Variants in TOPORS observed in about 807,000 individuals in gnomAD.
TOPORS encodes the protein E3 ubiquitin-protein ligase Topors.
TOPORS carries 25 observed loss-of-function variants against 81.4 expected under a neutral mutation model. The ratio of observed to expected loss-of-function variants is 0.31; its 90% CI spans 0.22 to 0.43. TOPORS has a LOEUF of 0.43. Ranked by LOEUF, TOPORS falls within the 20% of genes least tolerant of loss-of-function variation. The probability of loss-of-function intolerance (pLI) is 1.00; values close to 1 mark genes in which losing one functional copy is unlikely to be tolerated. For missense variants in TOPORS, 1,101 were observed against 1,267.0 expected, an observed-to-expected ratio of 0.87 and a Z score of 1.99; for synonymous variants, 473 against 456.6, an observed-to-expected ratio of 1.04 and a Z score of -0.46.
Position 32,542,447 on chromosome 9 carries a change from C to A in TOPORS, c.2078G>T (p.Arg693Ile), listed in dbSNP as rs1821080352. The change falls in exon 3 of 3, where the codon AGA becomes ATA. Residue 693 changes from arginine (R) to isoleucine (I), a missense_variant. Arg to Ile is a moderately conservative substitution (Grantham distance 97, BLOSUM62 -3). Coordinates refer to ENST00000360538, the MANE Select transcript of TOPORS (RefSeq NM_005802.5). ...RSRNRDRYYL[R>I]NNYGSRYKWE... ...TTTGTATCTGCTTCCATAATTATTT[C>A]TTAAATAATAACGATCTCTATTTCT... is the stretch of plus-strand genomic sequence containing the variant. 6.2e-7 allele frequency: 1 copy of A among 1,613,244 alleles called. No individual in the cohort carries two copies. The highest frequency in any genetic ancestry group is 2.2e-5 in the East Asian group (1 of 44,862).
rs1383957397 is a variant in TOPORS, at chr9:32,542,775, A to G, written c.1750T>C (p.Tyr584His). ...CTGTGTCTATGGTTATATGGAGAAT[A>G]TACTCTGTCTCCTCTTACAGATGAG... ...LNSSVRGDRV[Y>H]SPYNHRHRKR... is the part of the protein sequence containing the mutation. Residue 584 changes from tyrosine (Y) to histidine (H), a missense_variant, in exon 3 of 3, where the codon TAT becomes CAT. Transcript: ENST00000360538. 1.5e-5 allele frequency: 24 copies of G among 1,614,086 alleles called. No individual in the cohort carries two copies. Among genetic ancestry groups the G allele is most frequent in the Non-Finnish European group, 2.0e-5 (24 of 1,180,034 alleles).
In TOPORS at chr9:32,541,342, TC is replaced by T; in HGVS notation, c.*44del. ...TGCAGTAGACGACATTCTTCCTTTT[TC>T]CTTTTTATAACATCATAATTCTCAA... On this transcript the variant is annotated 3_prime_UTR_variant, in exon 3 of 3. Transcript: ENST00000360538. 2 of 1,599,392 alleles carry T rather than the reference TC, an allele frequency of 1.3e-6. No homozygotes were observed. The highest frequency in any genetic ancestry group is 1.7e-6 in the Non-Finnish European group (2 of 1,167,914).
chr9:32,551,294 C>G (rs989623070), intron 1 of TOPORS: 3 of 501,450 alleles, frequency 6.0e-6, no homozygotes, highest in African/African-American at 5.8e-5. Flanking sequence ...TTACCAAACT[C>G]TGCGGAAACT....
rs1205485644 is a variant in TOPORS at position 32,542,159 on chromosome 9, T to G, written c.2366A>C (p.Asn789Thr). The change falls in exon 3 of 3, where the codon AAT becomes ACT. Residue 789 changes from asparagine to threonine, a missense_variant. By Grantham distance (65) the Asn-to-Thr change is moderately conservative. Coordinates refer to ENST00000360538, the MANE Select transcript of TOPORS (RefSeq NM_005802.5). ...TTTTCGTTTCCCTCCAGGCTTTTCA[T>G]TTCTCACCCGGTCAGTCCCGGTAGA... is the stretch of plus-strand genomic sequence containing the variant. ...TASTGTDRVRNEKPGGKRKYK... is the reference protein window; with the variant it reads ...TASTGTDRVRTEKPGGKRKYK... 2 of 1,614,218 alleles carry G rather than the reference T, an allele frequency of 1.2e-6. No homozygotes were observed. The highest frequency in any genetic ancestry group is 2.2e-5 in the South Asian group (2 of 91,082).
At chr9:32,552,150 A>C (rs1821286585) in intron 1 of TOPORS, 1 of 574,982 alleles carries the variant, frequency 1.7e-6, no homozygotes. Context: ...AAACCAGTGG[A>C]GGTACGCCTA....
chr9:32,549,274 T>C (rs538311116), intron 2 of TOPORS, among the ~76,000 whole-genome samples: 5 of 152,058 alleles, frequency 3.3e-5, no homozygotes, highest in Non-Finnish European at 4.4e-5. Flanking sequence ...GCCACTGCAC[T>C]CCAGCCTGGG....
Position 32,544,057 on chromosome 9 carries a change from A to G in TOPORS, c.468T>C (p.Asp156=). ...GCCTTAGGACATACTCCTTGAAGTC[A>G]TCTTCTGCCCTCACAGAATGGAAAA... ...DSIFHSVRAE[D]DFKEYVLRPS... The change falls in exon 3 of 3, where the codon GAT becomes GAC. Residue 156 remains aspartate, a synonymous_variant. Coordinates refer to ENST00000360538, the MANE Select transcript of TOPORS (RefSeq NM_005802.5). 6.2e-7 allele frequency: 1 copy of G among 1,614,206 alleles called. No homozygotes were observed.
chr9:32,548,058 G>A (rs1341198526), intron 2 of TOPORS, among the ~76,000 whole-genome samples: 2 of 134,862 alleles, frequency 1.5e-5, no homozygotes, highest in Admixed American at 1.7e-4. Context: ...CACCGTGTTA[G>A]CCAGGATGGT....
At chr9:32,550,688 G>C in intron 2 of TOPORS, 86 bp downstream of exon 2, 1 of 1,523,638 alleles carries the variant, frequency 6.6e-7, no homozygotes, top group Non-Finnish European at 9.1e-7. Flanking sequence ...CGCAACCCTC[G>C]GGTCCCGAGG....
At position 32,543,433 on chromosome 9, in the gene TOPORS, G is replaced by A. The variant is rs913599200; in HGVS notation, c.1092C>T (p.Asn364=). 20 of 1,613,846 alleles carry A rather than the reference G, an allele frequency of 1.2e-5. No homozygotes were observed. In the Admixed American group the frequency reaches 1.5e-4, roughly 12 times the overall value. ...TGGCATGCTGGTCAAAGGCTGCCAT[G>A]TTAAAAGGAGATCGGGCAAAACTGA... ...EFISFARSPF[N]MAAFDQHANY... Residue 364 remains asparagine (N), a synonymous_variant, in exon 3 of 3, where the codon AAC becomes AAT. Coordinates refer to ENST00000360538, the MANE Select transcript of TOPORS (RefSeq NM_005802.5). This position sits in a 1 kb window ranked among gnomAD's most constrained non-coding sequence, Gnocchi z 5.6.
intron 2 of TOPORS, among the ~76,000 whole-genome samples, chr9:32,549,518 G>C (rs1256890447): frequency 6.6e-6 from 1 of 152,122 alleles, no homozygotes; most frequent in Admixed American, 6.5e-5. Context: ...TTGAAAAGGT[G>C]GTTGTGTGAC....
At position 32,542,460 on chromosome 9, in the gene TOPORS, G is replaced by A. The variant is rs369913663; in HGVS notation, c.2065C>T (p.Arg689Cys). 14 of 1,613,274 alleles carry A rather than the reference G, an allele frequency of 8.7e-6. 2 individuals carry two copies. Among genetic ancestry groups the A allele is most frequent in the South Asian group, 4.4e-5 (4 of 91,066 alleles). Reference protein sequence around the residue: ...KRRSRSRNRDRYYLRNNYGSR... With the variant: ...KRRSRSRNRDCYYLRNNYGSR... Reference sequence around the variant, plus strand: ...CCATAATTATTTCTTAAATAATAACGATCTCTATTTCTGCTCCGTGATCTT... The same window carrying A: ...CCATAATTATTTCTTAAATAATAACAATCTCTATTTCTGCTCCGTGATCTT... Residue 689 changes from arginine (R) to cysteine (C), a missense_variant, in exon 3 of 3, where the codon CGT becomes TGT. Coordinates refer to ENST00000360538, the MANE Select transcript of TOPORS (RefSeq NM_005802.5).
Position 32,551,161 on chromosome 9 carries a change from C to A in TOPORS, c.4-193G>T, listed in dbSNP as rs549299723. 2,273 of 675,518 alleles carry A rather than the reference C, an allele frequency of 3.4e-3. 3 individuals carry two copies. The highest frequency in any genetic ancestry group is 4.5e-3 in the Non-Finnish European group (1,745 of 387,720). The allele number at this position is 675,518 out of a possible 1,614,324, so 41.8% of individuals were successfully genotyped here. A position where few individuals can be genotyped will look rare whatever the true frequency, so the allele number is the denominator to read the frequency against. On this transcript the variant is annotated intron_variant, in intron 1 of 2. Transcript: ENST00000360538. ...GCCCCTCCCCCGCCGCTCCAGACCC[C>A]GGAGGAGGGCAGCGCGACCCTCCCC...
Position 32,541,795 on chromosome 9 carries a change from A to G in TOPORS, c.2730T>C (p.Ile910=). Reference sequence around the variant, plus strand: ...CAGAATCCTTATCACTGTCACTGTCAATGGTAATTACAACTGGGGAACGTG... The same window carrying G: ...CAGAATCCTTATCACTGTCACTGTCGATGGTAATTACAACTGGGGAACGTG... ...NASRSPVVIT[I]DSDSDKDSEV... is the part of the protein sequence containing the mutation. The change falls in exon 3 of 3, where the codon ATT becomes ATC. Residue 910 remains isoleucine, a synonymous_variant. Transcript: ENST00000360538. The G allele has an allele frequency of 1.2e-6, 2 of 1,614,168 alleles. No individual in the cohort carries two copies. Among genetic ancestry groups the G allele is most frequent in the Non-Finnish European group, 1.7e-6 (2 of 1,180,016 alleles).
Position 32,543,794 on chromosome 9 carries a change from T to A in TOPORS, c.731A>T (p.Glu244Val). 1 of 1,612,620 alleles carries A rather than the reference T, an allele frequency of 6.2e-7. No homozygotes were observed. Among genetic ancestry groups the A allele is most frequent in the Non-Finnish European group, 8.5e-7 (1 of 1,179,092 alleles). Residue 244 changes from glutamate (E) to valine (V), a missense_variant, in exon 3 of 3, where the codon GAA (glutamate) becomes GTA (valine). This residue lies in a region of TOPORS where 120 missense variants were observed against 115.4 expected (regional missense o/e 1.04). Transcript: ENST00000360538. The surrounding 1 kb of genome is among the most constrained non-coding windows in gnomAD (Gnocchi z 5.6). ...IAVRRPTTADERSLRKIQEQD... is the reference protein window; with the variant it reads ...IAVRRPTTADVRSLRKIQEQD... The stretch of plus-strand genomic sequence containing the variant: ...TTCTTGAATTTTCCGCAAAGATCTT[T>A]CATCTGCCGTAGTTGGCCTCCTTAC...
rs923317702 is a variant in TOPORS, at chr9:32,552,518, C to T, written c.-82G>A. Reference sequence around the variant, plus strand: ...ATCGCGGGCCCCCACCGTGTCGACTCACTGGGCCCGCAGGCGGAAAGGCCC... The same window carrying T: ...ATCGCGGGCCCCCACCGTGTCGACTTACTGGGCCCGCAGGCGGAAAGGCCC... On this transcript the variant is annotated 5_prime_UTR_variant, in exon 1 of 3. Coordinates refer to ENST00000360538, the MANE Select transcript of TOPORS (RefSeq NM_005802.5). 4.5e-6 allele frequency: 7 copies of T among 1,555,816 alleles called. No homozygotes were observed. The African/African-American group carries it at 5.4e-5, about 12-fold the overall frequency.
At position 32,543,221 on chromosome 9, in the gene TOPORS, A is replaced by G. The variant is rs1821096500; in HGVS notation, c.1304T>C (p.Met435Thr). The change falls in exon 3 of 3, where the codon ATG (methionine) becomes ACG (threonine). Residue 435 changes from methionine to threonine, a missense_variant. Transcript: ENST00000360538. The surrounding 1 kb of genome is among the most constrained non-coding windows in gnomAD (Gnocchi z 5.6). ...YSSSEQVHVT[M>T]SSLLNTSDSS... The stretch of plus-strand genomic sequence containing the variant: ...GTCAGAAGTATTTAAAAGAGAAGAC[A>G]TAGTAACGTGTACCTGCTCTGAGCT... 2 of 1,613,580 alleles carry G rather than the reference A, an allele frequency of 1.2e-6. No homozygotes were observed. Among genetic ancestry groups the G allele is most frequent in the Non-Finnish European group, 8.5e-7 (1 of 1,180,048 alleles).
chr9:32,542,471 C>A lies in TOPORS; in HGVS notation c.2054G>T (p.Arg685Ile), dbSNP rs1821080636. The A allele has an allele frequency of 6.2e-7, 1 of 1,613,708 alleles. No homozygotes were observed. Among genetic ancestry groups the A allele is most frequent in the Non-Finnish European group, 8.5e-7 (1 of 1,180,024 alleles). Reference sequence around the variant, plus strand: ...TCTTAAATAATAACGATCTCTATTTCTGCTCCGTGATCTTCTTTTACCATG... The same window carrying A: ...TCTTAAATAATAACGATCTCTATTTATGCTCCGTGATCTTCTTTTACCATG... ...SDHGKRRSRS[R>I]NRDRYYLRNN... Residue 685 changes from arginine to isoleucine, a missense_variant, in exon 3 of 3, where the codon AGA becomes ATA. Physicochemically the swap from Arg to Ile is moderately conservative, Grantham distance 97. Transcript: ENST00000360538.
rs774445411 is a variant in TOPORS at position 32,552,297 on chromosome 9, G to C, written c.3+137C>G. 15 of 1,293,292 alleles carry C rather than the reference G, an allele frequency of 1.2e-5. No homozygotes were observed. The South Asian group carries it at 1.9e-4, about 16-fold the overall frequency. The allele number at this position is 1,293,292 out of a possible 1,614,324, so 80.1% of individuals were successfully genotyped here. ...CTCCGGGCGGAAGAGGCCAGCGACA[G>C]CGCTGCACGAAGCGAGTGGGCGGGC... is the stretch of plus-strand genomic sequence containing the variant. On this transcript the variant is annotated intron_variant, in intron 1 of 2. Coordinates refer to ENST00000360538, the MANE Select transcript of TOPORS (RefSeq NM_005802.5).
Sources: allele counts gnomAD v4.1 joint callset (sites outside exome capture counted in the v4.1 genomes callset), GRCh38; gene constraint gnomAD v4.1.1; regional missense constraint gnomAD v4.1.1; non-coding constraint Gnocchi (gnomAD v3.1); transcripts MANE v1.5; gene names NCBI Gene and HGNC (gene_info 2026-07-23, HGNC 2026-07-21).